Variants in NCAM2 observed in about 807,000 individuals in gnomAD.
NCAM2 encodes neural cell adhesion molecule 2.
A neutral mutation model predicts 98.1 loss-of-function variants in NCAM2; 30 were observed. The observed-to-expected ratio is 0.31, with a 90% CI of 0.23 to 0.41. The LOEUF is 0.41. Among genes scored for constraint, NCAM2 ranks in the 10% least tolerant of loss-of-function variants. The pLI is 1.00. For missense variants in NCAM2, 867 were observed against 1,005.8 expected (o/e 0.86, Z 1.87); for synonymous variants, 368 against 342.4 (o/e 1.07, Z -0.83).
intron 1 of NCAM2, among the ~76,000 whole-genome samples, chr21:21,038,048 T>G (rs1313921427): frequency 6.6e-6 from 1 of 152,160 alleles, no homozygotes; most frequent in Non-Finnish European, 1.5e-5. Flanking sequence ...GAAAATATAT[T>G]GGATATGATC....
At chr21:21,017,630 A>C (rs2064340477) in intron 1 of NCAM2, among the ~76,000 whole-genome samples, 1 of 152,004 alleles carries the variant, frequency 6.6e-6, no homozygotes, top group Non-Finnish European at 1.5e-5. Context: ...GATTTCTTCC[A>C]AAAGCTGCAC....
chr21:21,109,809 A>T (rs1446756730), intron 1 of NCAM2, among the ~76,000 whole-genome samples: 2 of 152,214 alleles, frequency 1.3e-5, no homozygotes, highest in East Asian at 3.8e-4. Flanking sequence ...TTAACACAAG[A>T]TTTGGCATGG....
chr21:21,196,467 C>T (rs547089573), intron 1 of NCAM2, among the ~76,000 whole-genome samples: 2 of 152,302 alleles, frequency 1.3e-5, no homozygotes, highest in South Asian at 4.1e-4. Flanking sequence ...CTCCTTTCCA[C>T]AGGGGTTGAT....
intron 5 of NCAM2, among the ~76,000 whole-genome samples, chr21:21,307,368 C>T (rs528030266): frequency 6.6e-6 from 1 of 152,186 alleles, no homozygotes; most frequent in Admixed American, 6.6e-5. Context: ...AGCCTTTGTG[C>T]TAAGTTTATC....
At chr21:21,416,744 A>T (rs2077002155) in intron 10 of NCAM2, among the ~76,000 whole-genome samples, 1 of 152,124 alleles carries the variant, frequency 6.6e-6, no homozygotes, top group Admixed American at 6.5e-5. Context: ...ATATTATCTT[A>T]TATTTTCATA....
At chr21:21,123,749 TAAC>T (rs1398211109) in intron 1 of NCAM2, among the ~76,000 whole-genome samples, 2 of 151,768 alleles carry the variant, frequency 1.3e-5, no homozygotes, top group Non-Finnish European at 2.9e-5. Context: ...CTTTTCTTTA[TAAC>T]AACCTTATGA....
intron 8 of NCAM2, among the ~76,000 whole-genome samples, chr21:21,373,122 A>G (rs1431039991): frequency 1.3e-5 from 2 of 151,826 alleles, no homozygotes; most frequent in African/African-American, 4.8e-5. Flanking sequence ...TTTCACTATA[A>G]CATAATTTGC....
intron 12 of NCAM2, among the ~76,000 whole-genome samples, chr21:21,442,113 T>C (rs1285962978): frequency 1.3e-5 from 2 of 152,170 alleles, no homozygotes; most frequent in Non-Finnish European, 2.9e-5. Context: ...TTCTGGTTTT[T>C]AGAGGCAGTC....
intron 1 of NCAM2, among the ~76,000 whole-genome samples, chr21:21,052,059 G>T (rs998740336): frequency 1.3e-5 from 2 of 151,492 alleles, no homozygotes; most frequent in South Asian, 4.2e-4. Flanking sequence ...GAGTATGAAC[G>T]AATTCATCAC....
At chr21:21,047,404 A>G (rs2065024649) in intron 1 of NCAM2, among the ~76,000 whole-genome samples, 1 of 152,216 alleles carries the variant, frequency 6.6e-6, no homozygotes, top group Non-Finnish European at 1.5e-5. Context: ...ATGTTTAATG[A>G]GCAACAGAAA....
intron 1 of NCAM2, among the ~76,000 whole-genome samples, chr21:21,166,477 A>T (rs1254152665): frequency 6.6e-6 from 1 of 151,580 alleles, no homozygotes; most frequent in Non-Finnish European, 1.5e-5. Context: ...AAGTGCTGGG[A>T]TTACAGGCGT....
rs188890668 is a variant in NCAM2 at position 21,520,967 on chromosome 21, A to G, written c.2282+11912A>G. On this transcript the variant is annotated intron_variant, in intron 16 of 17. Coordinates refer to ENST00000400546, the MANE Select transcript of NCAM2 (RefSeq NM_004540.5). ...TTGTTACAATGATTATTGGAGAAGTATCTCCTTATGTTTCTGGAAATAGAA... is the reference window on the plus strand; with the variant it reads ...TTGTTACAATGATTATTGGAGAAGTGTCTCCTTATGTTTCTGGAAATAGAA... Among the ~76,000 whole-genome samples the G allele has an allele frequency of 5.1e-3, 774 of 152,278 alleles. 2 individuals are homozygous for G. Among genetic ancestry groups the G allele is most frequent in the Non-Finnish European group, 7.7e-3 (521 of 68,012 alleles).
intron 8 of NCAM2, among the ~76,000 whole-genome samples, chr21:21,348,341 T>C (rs1295313264): frequency 2.0e-5 from 3 of 151,878 alleles, no homozygotes; most frequent in Non-Finnish European, 2.9e-5. Context: ...ATAAAAAATA[T>C]CCCATTTGCA....
chr21:21,505,918 T>C (rs1322760274), intron 15 of NCAM2, among the ~76,000 whole-genome samples: 1 of 151,900 alleles, frequency 6.6e-6, no homozygotes, highest in Admixed American at 6.6e-5. Context: ...CTGTCTCCAT[T>C]TTAATAAAGA....
chr21:21,526,388 C>T (rs562033596), intron 16 of NCAM2, among the ~76,000 whole-genome samples: 3 of 151,702 alleles, frequency 2.0e-5, no homozygotes, highest in Non-Finnish European at 2.9e-5. Context: ...ATTAGCACCC[C>T]GCAAAATTAA....
At chr21:21,133,906 T>C (rs550403593) in intron 1 of NCAM2, among the ~76,000 whole-genome samples, 15 of 152,246 alleles carry the variant, frequency 9.9e-5, no homozygotes, top group Admixed American at 9.2e-4. Flanking sequence ...CTGGTACATA[T>C]TGATGCTGAA....
chr21:21,508,249 T>A (rs1001103319), intron 15 of NCAM2, among the ~76,000 whole-genome samples: 1 of 152,166 alleles, frequency 6.6e-6, no homozygotes, highest in Non-Finnish European at 1.5e-5. Context: ...TGTTAAAATA[T>A]TAACTGGAGA....
chr21:21,171,653 C>A (rs1041961460), intron 1 of NCAM2, among the ~76,000 whole-genome samples: 1 of 152,092 alleles, frequency 6.6e-6, no homozygotes, highest in African/African-American at 2.4e-5. Flanking sequence ...TTGATGCTAC[C>A]ATTTTTCGAG....
intron 3 of NCAM2, among the ~76,000 whole-genome samples, chr21:21,285,799 A>G (rs888308170): frequency 3.3e-5 from 5 of 151,956 alleles, no homozygotes; most frequent in African/African-American, 9.7e-5. Flanking sequence ...TAAACATGCT[A>G]TGGAATCCTA....
Sources: allele counts gnomAD v4.1 joint callset (sites outside exome capture counted in the v4.1 genomes callset), GRCh38; gene constraint gnomAD v4.1.1; transcripts MANE v1.5; gene names NCBI Gene and HGNC (gene_info 2026-07-23, HGNC 2026-07-21).